The following KCNIP1 variants were observed in gnomAD, a reference collection of about 807,000 sequenced individuals.
KCNIP1 encodes the protein potassium voltage-gated channel interacting protein 1.
A neutral mutation model predicts 33.0 loss-of-function variants in KCNIP1; 18 were observed. The ratio of observed to expected loss-of-function variants is 0.55; its 90% CI spans 0.38 to 0.81. KCNIP1 has a LOEUF of 0.81. Ranked by LOEUF, KCNIP1 falls within the 30% of genes least tolerant of loss-of-function variation. The pLI, the probability that KCNIP1 is intolerant of heterozygous loss-of-function variation, is 0.00. For synonymous variants in KCNIP1, 93 were observed against 98.3 expected (o/e 0.95, Z 0.32); for missense variants, 238 against 271.6 (o/e 0.88, Z 0.87).
At chr5:170,539,730 A>T (rs1265378735) in intron 1 of KCNIP1, among the ~76,000 whole-genome samples, 1 of 152,186 alleles carries the variant, frequency 6.6e-6, no homozygotes, top group Non-Finnish European at 1.5e-5. Flanking sequence ...TCTAGCACCT[A>T]GAACTCAGGC....
chr5:170,409,436 G>A (rs1755121666), intron 1 of KCNIP1, among the ~76,000 whole-genome samples: 1 of 152,264 alleles, frequency 6.6e-6, no homozygotes, highest in East Asian at 1.9e-4. Flanking sequence ...AAGCCAACAA[G>A]TTCAAGTCAC....
intron 1 of KCNIP1, among the ~76,000 whole-genome samples, chr5:170,605,277 C>T (rs567360784): frequency 5.3e-5 from 8 of 152,228 alleles, no homozygotes; most frequent in Non-Finnish European, 8.8e-5. Flanking sequence ...GGTCTGGGAA[C>T]CCCTCTGGCC....
chr5:170,581,671 T>C (rs528706529), intron 1 of KCNIP1, among the ~76,000 whole-genome samples: 4 of 152,232 alleles, frequency 2.6e-5, no homozygotes, highest in Non-Finnish European at 4.4e-5. Flanking sequence ...GATTATAATG[T>C]GTGATAACGT....
chr5:170,632,952 G>A (rs1029564298), intron 1 of KCNIP1, among the ~76,000 whole-genome samples: 2 of 151,292 alleles, frequency 1.3e-5, no homozygotes, highest in African/African-American at 4.8e-5. Flanking sequence ...GTGGGTTGGG[G>A]CTTGAGCACG....
intron 1 of KCNIP1, among the ~76,000 whole-genome samples, chr5:170,462,740 T>C (rs1756532933): frequency 6.6e-6 from 1 of 151,950 alleles, no homozygotes; most frequent in Non-Finnish European, 1.5e-5. Context: ...CAAATGCACA[T>C]AAAGCAACGA....
intron 1 of KCNIP1, among the ~76,000 whole-genome samples, chr5:170,695,504 G>A (rs554090587): frequency 6.5e-4 from 99 of 152,292 alleles, no homozygotes; most frequent in African/African-American, 1.6e-3. Context: ...AATTTCCGTT[G>A]ATTTTGCACT....
chr5:170,570,067 T>C (rs1405379575), intron 1 of KCNIP1, among the ~76,000 whole-genome samples: 1 of 152,200 alleles, frequency 6.6e-6, no homozygotes, highest in African/African-American at 2.4e-5. Flanking sequence ...GCTCCGATGC[T>C]CTACGATGTC....
intron 1 of KCNIP1, among the ~76,000 whole-genome samples, chr5:170,484,855 T>C (rs1757050286): frequency 6.6e-6 from 1 of 151,810 alleles, no homozygotes. Flanking sequence ...CCTCTCCACA[T>C]CTTCTTCCAT....
chr5:170,366,823 G>C (rs77155997), intron 1 of KCNIP1, among the ~76,000 whole-genome samples: 1 of 152,206 alleles, frequency 6.6e-6, no homozygotes, highest in Non-Finnish European at 1.5e-5. Flanking sequence ...CCACACAGCC[G>C]ATGACTCATA....
intron 1 of KCNIP1, among the ~76,000 whole-genome samples, chr5:170,626,006 C>T (rs915566359): frequency 2.0e-5 from 3 of 152,110 alleles, no homozygotes; most frequent in Non-Finnish European, 4.4e-5. Context: ...CCAAAGTATA[C>T]TGAGCGATGA....
At chr5:170,561,157 T>C in intron 1 of KCNIP1, 1 of 455,098 alleles carries the variant, frequency 2.2e-6, no homozygotes, top group Non-Finnish European at 4.4e-6. Flanking sequence ...TTATGCTCCT[T>C]CGAGGGCTGA....
intron 1 of KCNIP1, among the ~76,000 whole-genome samples, chr5:170,670,365 T>G (rs1175215989): frequency 2.0e-5 from 3 of 152,160 alleles, no homozygotes; most frequent in Admixed American, 2.0e-4. Flanking sequence ...AAATTAAGCC[T>G]AGGATGGGCT....
At chr5:170,683,624 A>G (rs1272821216) in intron 1 of KCNIP1, among the ~76,000 whole-genome samples, 1 of 152,202 alleles carries the variant, frequency 6.6e-6, no homozygotes, top group Non-Finnish European at 1.5e-5. Context: ...ACCAGGACCA[A>G]TGTAATGCTG....
At chr5:170,603,020 C>T (rs1346796029) in intron 1 of KCNIP1, among the ~76,000 whole-genome samples, 1 of 152,218 alleles carries the variant, frequency 6.6e-6, no homozygotes, top group Admixed American at 6.5e-5. Context: ...ATGGCTAGCT[C>T]CTTCCAGGAC....
intron 1 of KCNIP1, among the ~76,000 whole-genome samples, chr5:170,436,621 G>A (rs752797740): frequency 3.3e-5 from 5 of 152,196 alleles, no homozygotes; most frequent in Non-Finnish European, 7.3e-5. Context: ...GTGTTGCAGC[G>A]CAGGTGTGTG....
At chr5:170,608,538 G>A (rs775781307) in intron 1 of KCNIP1, among the ~76,000 whole-genome samples, 10 of 152,148 alleles carry the variant, frequency 6.6e-5, no homozygotes, top group African/African-American at 1.7e-4. Flanking sequence ...TTGGGAGGCC[G>A]AGGCATGTGG....
chr5:170,714,126 G>A (rs560541922), intron 1 of KCNIP1, among the ~76,000 whole-genome samples: 9 of 152,104 alleles, frequency 5.9e-5, no homozygotes, highest in African/African-American at 2.2e-4. Flanking sequence ...TCATGGTCAC[G>A]GTCCTGAGCC....
At chr5:170,429,039 C>T (rs57222711) in intron 1 of KCNIP1, among the ~76,000 whole-genome samples, 37,507 of 151,894 alleles carry the variant, frequency 0.25, 4,838 homozygotes, top group South Asian at 0.34. Flanking sequence ...TGCGGTGAGC[C>T]GAGATCGCGC....
chr5:170,671,127 G>A (rs937965098), intron 1 of KCNIP1, among the ~76,000 whole-genome samples: 2 of 152,046 alleles, frequency 1.3e-5, no homozygotes, highest in Admixed American at 1.3e-4. Context: ...CATTGCAGAT[G>A]GTTTAAAACA....
Sources: allele counts gnomAD v4.1 joint callset (sites outside exome capture counted in the v4.1 genomes callset), GRCh38; gene constraint gnomAD v4.1.1; transcripts MANE v1.5; gene names NCBI Gene and HGNC (gene_info 2026-07-23, HGNC 2026-07-21).